Variants in ECPAS observed in about 807,000 individuals in gnomAD.
ECPAS encodes Ecm29 proteasome adaptor and scaffold.
Under a neutral mutation model 255.1 loss-of-function variants are expected in ECPAS, and 70 were observed. The ratio of observed to expected loss-of-function variants is 0.27; its 90% CI spans 0.23 to 0.33. ECPAS has a LOEUF of 0.33. Ranked by LOEUF, ECPAS falls within the 10% of genes least tolerant of loss-of-function variation. ECPAS has a pLI of 1.00. For missense variants in ECPAS, 1,817 were observed against 2,206.4 expected (o/e 0.82, Z 3.54); for synonymous variants, 784 against 775.0 (o/e 1.01, Z -0.19).
rs564293437 is a variant in ECPAS, at chr9:111,376,412, A to G, written c.4020+64T>C. ...CTGCTTCATTTAACATAGCCTGAAG[A>G]CTTTGAAGAATTACACTTTCAGGTA... On this transcript the variant is annotated intron_variant, in intron 37 of 49. Coordinates refer to ENST00000684092, the MANE Select transcript of ECPAS (RefSeq NM_001364929.1). 94 of 1,299,492 alleles carry G rather than the reference A, an allele frequency of 7.2e-5. No individual in the cohort carries two copies. In the African/African-American group the frequency reaches 1.3e-3, roughly 18 times the overall value. 80.5% of individuals were successfully genotyped at this position (1,299,492 alleles called of 1,614,324 possible).
intron 2 of ECPAS, among the ~76,000 whole-genome samples, chr9:111,469,459 G>A (rs569983747): frequency 9.2e-5 from 14 of 151,918 alleles, no homozygotes; most frequent in African/African-American, 2.7e-4. Flanking sequence ...ATTTGAACCC[G>A]GGAGGTGGAG....
chr9:111,443,142 G>A (rs538321600), intron 4 of ECPAS, among the ~76,000 whole-genome samples: 1 of 152,160 alleles, frequency 6.6e-6, no homozygotes, highest in South Asian at 2.1e-4. Context: ...TTCAGATAAG[G>A]GATACTCAAC....
intron 35 of ECPAS, among the ~76,000 whole-genome samples, chr9:111,382,391 A>T (rs572264622): frequency 6.6e-6 from 1 of 151,188 alleles, no homozygotes; most frequent in Non-Finnish European, 1.5e-5. Flanking sequence ...CAGCCTCCCA[A>T]GTAGCTGGGA....
intron 42 of ECPAS, among the ~76,000 whole-genome samples, chr9:111,372,040 G>T (rs1390876287): frequency 6.6e-6 from 1 of 152,224 alleles, no homozygotes; most frequent in East Asian, 1.9e-4. Context: ...CCACAGGAAC[G>T]TATCACACAA....
At chr9:111,407,428 A>AAAAAAAAAAAAAG (rs751687233) in intron 24 of ECPAS, among the ~76,000 whole-genome samples, 21 of 98,818 alleles carry the variant, frequency 2.1e-4, no homozygotes, top group Non-Finnish European at 4.4e-4. Context: ...AAAAAAAAAA[A>AAAAAAAAAAAAAG]AAAAAAAAAA....
intron 32 of ECPAS, 115 bp from the exon 33 acceptor site, chr9:111,385,557 C>T (rs1369578800): frequency 1.5e-6 from 1 of 663,888 alleles, no homozygotes; most frequent in East Asian, 2.8e-5. Flanking sequence ...CTCATCCCCT[C>T]ACCCCAAAAC....
chr9:111,480,501 T>C (rs1354811422), intron 1 of ECPAS, among the ~76,000 whole-genome samples: 1 of 152,090 alleles, frequency 6.6e-6, no homozygotes, highest in Non-Finnish European at 1.5e-5. Flanking sequence ...TTTCACCATG[T>C]TGGCCAGCCT....
intron 45 of ECPAS, among the ~76,000 whole-genome samples, chr9:111,369,558 T>C (rs1272691513): frequency 6.6e-6 from 1 of 152,220 alleles, no homozygotes; most frequent in Admixed American, 6.5e-5. Flanking sequence ...TTGCTAGTGA[T>C]GTAATCAACT....
At chr9:111,397,489 A>G (rs1242590764) in intron 24 of ECPAS, among the ~76,000 whole-genome samples, 1 of 152,224 alleles carries the variant, frequency 6.6e-6, no homozygotes, top group Non-Finnish European at 1.5e-5. Context: ...GTAAGTCTCA[A>G]TATAAATTCT....
chr9:111,478,395 C>T (rs2098299272), intron 1 of ECPAS, among the ~76,000 whole-genome samples: 1 of 151,922 alleles, frequency 6.6e-6, no homozygotes, highest in Admixed American at 6.6e-5. Context: ...GGCGCAGTGT[C>T]GCACACCTGT....
intron 2 of ECPAS, among the ~76,000 whole-genome samples, chr9:111,459,552 T>C (rs1041518037): frequency 6.6e-6 from 1 of 152,128 alleles, no homozygotes; most frequent in African/African-American, 2.4e-5. Flanking sequence ...CTATGCTAGG[T>C]ATGTTAATAA....
Position 111,425,842 on chromosome 9 carries a change from A to G in ECPAS, c.1051-14T>C, listed in dbSNP as rs769810379. ...ATCATACACCACCTATGTAAAATGA[A>G]GAGTTGAGAACATCAATTAATAAAA... On this transcript the variant is annotated splice_polypyrimidine_tract_variant and intron_variant, in intron 10 of 49. Transcript: ENST00000684092. The G allele has an allele frequency of 2.1e-5, 27 of 1,265,750 alleles. No individual in the cohort carries two copies. Among genetic ancestry groups the G allele is most frequent in the Non-Finnish European group, 3.0e-5 (27 of 885,382 alleles). The allele number at this position is 1,265,750 out of a possible 1,614,324, so 78.4% of individuals were successfully genotyped here.
In ECPAS at chr9:111,411,096, A is replaced by G; in HGVS notation, c.2261T>C (p.Val754Ala). 6.2e-7 allele frequency: 1 copy of G among 1,613,748 alleles called. No homozygotes were observed. The highest frequency in any genetic ancestry group is 8.5e-7 in the Non-Finnish European group (1 of 1,179,804). ...TTTCTTTTTAGCCAAATACCTTCCC[A>G]CCGTGAATCCCAATGCAAGCAAGGA... ...HGSLLALGFT[V>A]GRYLAKKKMR... is the part of the protein sequence containing the mutation. Residue 754 changes from valine (V) to alanine (A), a missense_variant, in exon 22 of 50, where the codon GTG (valine) becomes GCG (alanine). By Grantham distance (64) the Val-to-Ala change is moderately conservative. Around this residue, in one of 4 missense-constraint regions of ECPAS, gnomAD observed 194 missense variants for 152.8 expected, o/e 1.27. Transcript: ENST00000684092.
chr9:111,476,304 C>T (rs1036662642), intron 1 of ECPAS, among the ~76,000 whole-genome samples: 1 of 152,192 alleles, frequency 6.6e-6, no homozygotes, highest in Non-Finnish European at 1.5e-5. Context: ...TCTCTCAACC[C>T]ACTCCTGAAA....
At chr9:111,464,290 A>T (rs1458518826) in intron 2 of ECPAS, among the ~76,000 whole-genome samples, 2 of 150,928 alleles carry the variant, frequency 1.3e-5, no homozygotes, top group African/African-American at 4.9e-5. Context: ...AAAAAAAATT[A>T]GCCAGGCATG....
chr9:111,371,496 G>T, intron 43 of ECPAS, 125 bp downstream of exon 43: 2 of 924,544 alleles, frequency 2.2e-6, no homozygotes, highest in Non-Finnish European at 3.4e-6. Context: ...AGCTTCCACT[G>T]TCTAGGAAAT....
intron 6 of ECPAS, among the ~76,000 whole-genome samples, chr9:111,437,887 C>G (rs1589197746): frequency 6.6e-6 from 1 of 152,158 alleles, no homozygotes; most frequent in East Asian, 1.9e-4. Flanking sequence ...TAATTCAAAT[C>G]TCTTAAAACT....
intron 20 of ECPAS, among the ~76,000 whole-genome samples, chr9:111,412,537 C>T (rs536449462): frequency 5.3e-5 from 8 of 152,210 alleles, no homozygotes; most frequent in Admixed American, 2.0e-4. Flanking sequence ...AACATGGACA[C>T]GACAATGTTT....
chr9:111,428,436 A>C (rs2131832301), intron 9 of ECPAS, among the ~76,000 whole-genome samples: 1 of 152,314 alleles, frequency 6.6e-6, no homozygotes, highest in Non-Finnish European at 1.5e-5. Flanking sequence ...CATTTTTATA[A>C]AAAATAACTA....
Sources: gnomAD v4.1 joint callset for allele counts (sites outside exome capture counted in the v4.1 genomes callset) on GRCh38, gnomAD v4.1.1 for gene constraint, gnomAD v4.1.1 regional missense constraint, MANE v1.5 for transcripts, NCBI Gene and HGNC (gene_info 2026-07-23, HGNC 2026-07-21) for gene names.